Variants in ARB2A observed in about 807,000 individuals in gnomAD.
ARB2A encodes cotranscriptional regulator ARB2A.
the ARB2A span, among the ~76,000 whole-genome samples, chr5:93,821,112 C>G: frequency 6.6e-6 from 1 of 152,046 alleles, no homozygotes; most frequent in African/African-American, 2.4e-5. Context: ...TCGAAAACAA[C>G]AATTAGCAAA....
At chr5:93,787,882 T>C in the ARB2A span, among the ~76,000 whole-genome samples, 1 of 152,208 alleles carries the variant, frequency 6.6e-6, no homozygotes, top group Non-Finnish European at 1.5e-5. Context: ...ATTACAGTTC[T>C]AAAATAAATA....
the ARB2A span, chr5:93,621,194 A>G: frequency 1.4e-6 from 2 of 1,457,590 alleles, no homozygotes; most frequent in Non-Finnish European, 1.8e-6. Flanking sequence ...GAGGGCGGCG[A>G]GGGCCAGGCC....
At chr5:94,012,286 C>A in the ARB2A span, among the ~76,000 whole-genome samples, 2 of 152,172 alleles carry the variant, frequency 1.3e-5, no homozygotes, top group Admixed American at 1.3e-4. Context: ...CCTGTAGTCC[C>A]AGCTACTTGG....
chr5:93,667,640 G>A, the ARB2A span, among the ~76,000 whole-genome samples: 46 of 152,142 alleles, frequency 3.0e-4, no homozygotes, highest in Middle Eastern at 0.01. Flanking sequence ...ATTTAGTTTT[G>A]TAAAGACAGG....
chr5:93,759,672 A>G, the ARB2A span, among the ~76,000 whole-genome samples: 1 of 152,236 alleles, frequency 6.6e-6, no homozygotes. Flanking sequence ...TAGATGCAGA[A>G]ATAGCATTTG....
At chr5:93,921,488 A>G in the ARB2A span, among the ~76,000 whole-genome samples, 1 of 152,200 alleles carries the variant, frequency 6.6e-6, no homozygotes, top group African/African-American at 2.4e-5. Context: ...GCCAACCAAG[A>G]GGCAACGGAC....
the ARB2A span, among the ~76,000 whole-genome samples, chr5:93,632,199 A>G: frequency 6.6e-6 from 1 of 152,180 alleles, no homozygotes; most frequent in African/African-American, 2.4e-5. Flanking sequence ...AGAAAACCCA[A>G]TAGGGGATGT....
chr5:94,023,594 T>C, the ARB2A span, among the ~76,000 whole-genome samples: 4 of 152,220 alleles, frequency 2.6e-5, no homozygotes, highest in African/African-American at 7.2e-5. Context: ...GGCATCAATT[T>C]GGAGACATTT....
At chr5:93,813,229 G>A in the ARB2A span, among the ~76,000 whole-genome samples, 40 of 152,192 alleles carry the variant, frequency 2.6e-4, no homozygotes, top group South Asian at 4.4e-3. Flanking sequence ...ACATGTTACC[G>A]GACAATGGAG....
At chr5:94,013,462 C>T in the ARB2A span, among the ~76,000 whole-genome samples, 1 of 152,126 alleles carries the variant, frequency 6.6e-6, no homozygotes, top group Non-Finnish European at 1.5e-5. Context: ...AGGCGTGAGA[C>T]ATCGTGCCCG....
the ARB2A span, among the ~76,000 whole-genome samples, chr5:93,647,600 T>C: frequency 2.6e-5 from 4 of 152,302 alleles, no homozygotes; most frequent in East Asian, 3.9e-4. Context: ...CTCAGCCCAC[T>C]GCAACCTCCA....
chr5:94,097,569 C>T, the ARB2A span, among the ~76,000 whole-genome samples: 1 of 152,188 alleles, frequency 6.6e-6, no homozygotes, highest in African/African-American at 2.4e-5. Flanking sequence ...CGCAATCTCT[C>T]TCTTTGCCTG....
chr5:93,737,663 G>C, the ARB2A span: 1 of 220,010 alleles, frequency 4.5e-6, no homozygotes, highest in Non-Finnish European at 9.2e-6. Flanking sequence ...GAAGAGAGTT[G>C]AGAGCCCAGA....
the ARB2A span, among the ~76,000 whole-genome samples, chr5:93,963,654 C>A: frequency 2.0e-5 from 3 of 151,882 alleles, no homozygotes; most frequent in Non-Finnish European, 4.4e-5. Flanking sequence ...TTCATGCAAA[C>A]AAAATTATCT....
At chr5:93,815,263 G>T in the ARB2A span, among the ~76,000 whole-genome samples, 1,054 of 152,250 alleles carry the variant, frequency 6.9e-3, 9 homozygotes, top group African/African-American at 0.024. Flanking sequence ...GAGAACAATT[G>T]ATATACATGT....
At chr5:93,713,444 T>C in the ARB2A span, among the ~76,000 whole-genome samples, 1 of 151,662 alleles carries the variant, frequency 6.6e-6, no homozygotes, top group Non-Finnish European at 1.5e-5. Context: ...GGCCAAGAGG[T>C]ACATAAAAAA....
chr5:93,945,587 G>A, the ARB2A span, among the ~76,000 whole-genome samples: 1 of 151,966 alleles, frequency 6.6e-6, no homozygotes, highest in African/African-American at 2.4e-5. Flanking sequence ...AAATTCTATG[G>A]AATGGTTAAA....
At chr5:94,073,704 T>C in the ARB2A span, among the ~76,000 whole-genome samples, 13 of 152,076 alleles carry the variant, frequency 8.5e-5, no homozygotes, top group African/African-American at 2.7e-4. Flanking sequence ...CACTCCTAAA[T>C]TGTCCATTAT....
chr5:93,889,743 T>C, the ARB2A span, among the ~76,000 whole-genome samples: 1 of 151,872 alleles, frequency 6.6e-6, no homozygotes, highest in East Asian at 1.9e-4. Flanking sequence ...CTGTGACCCT[T>C]TGGTATACAT....
Sources: allele counts gnomAD v4.1 joint callset (sites outside exome capture counted in the v4.1 genomes callset), GRCh38; gene constraint gnomAD v4.1.1; transcripts MANE v1.5; gene names NCBI Gene and HGNC (gene_info 2026-07-23, HGNC 2026-07-21).